The following MEF2A variants were observed in gnomAD, a reference collection of about 807,000 sequenced individuals.
MEF2A encodes the protein myocyte enhancer factor 2A.
MEF2A carries 28 observed loss-of-function variants against 55.8 expected under a neutral mutation model. The observed-to-expected ratio is 0.50, with a 90% CI of 0.37 to 0.69. MEF2A has a LOEUF of 0.69. Among genes scored for constraint, MEF2A ranks in the 30% least tolerant of loss-of-function variants. The pLI is 0.00. For synonymous variants in MEF2A, 239 were observed against 227.1 expected, an observed-to-expected ratio of 1.05 and a Z score of -0.47; for missense variants, 528 against 626.2, an observed-to-expected ratio of 0.84 and a Z score of 1.67.
intron 5 of MEF2A, among the ~76,000 whole-genome samples, chr15:99,673,859 T>TTAC (rs2051360945): frequency 3.9e-5 from 1 of 25,556 alleles, no homozygotes. Context: ...ATATAATTAC[T>TTAC]TTTTTTTTTT....
At chr15:99,650,678 T>C (rs1345705096) in intron 4 of MEF2A, among the ~76,000 whole-genome samples, 1 of 152,220 alleles carries the variant, frequency 6.6e-6, no homozygotes, top group Admixed American at 6.5e-5. Context: ...GAAAGGAAGA[T>C]AGGGAATCAG....
At chr15:99,660,009 C>T (rs2048361839) in intron 4 of MEF2A, among the ~76,000 whole-genome samples, 1 of 152,060 alleles carries the variant, frequency 6.6e-6, no homozygotes, top group Admixed American at 6.6e-5. Flanking sequence ...TTTCACAAAC[C>T]CTTCCAAAGA....
chr15:99,622,863 G>A (rs764250734), intron 2 of MEF2A, among the ~76,000 whole-genome samples: 7 of 151,810 alleles, frequency 4.6e-5, no homozygotes, highest in Admixed American at 2.0e-4. Flanking sequence ...CACCATGCCC[G>A]GCTAATTTTT....
chr15:99,652,666 A>G (rs1161974532), intron 4 of MEF2A, among the ~76,000 whole-genome samples: 1 of 152,222 alleles, frequency 6.6e-6, no homozygotes, highest in Admixed American at 6.5e-5. Context: ...AAGGCCCTTC[A>G]CTTTATCCTG....
At chr15:99,654,090 A>G (rs953274106) in intron 4 of MEF2A, among the ~76,000 whole-genome samples, 1 of 152,114 alleles carries the variant, frequency 6.6e-6, no homozygotes, top group East Asian at 1.9e-4. Context: ...GGTTTTCCAC[A>G]TTTATGTAGT....
intron 4 of MEF2A, among the ~76,000 whole-genome samples, chr15:99,670,976 C>G (rs562282465): frequency 1.3e-5 from 2 of 152,240 alleles, no homozygotes; most frequent in Non-Finnish European, 2.9e-5. Context: ...AGATTTCTAT[C>G]TTAGTTCTTT....
At chr15:99,572,222 G>C (rs2570824) in intron 1 of MEF2A, among the ~76,000 whole-genome samples, 12,159 of 151,970 alleles carry the variant, frequency 0.08, 1,668 homozygotes, top group African/African-American at 0.28. Context: ...AGCCACGAAG[G>C]CCTCTCAGTG....
chr15:99,635,680 A>G (rs558281712), intron 3 of MEF2A, among the ~76,000 whole-genome samples: 93 of 152,306 alleles, frequency 6.1e-4, no homozygotes, highest in Admixed American at 1.2e-3. Context: ...GTTTATATGA[A>G]CAGTGTGTCT....
chr15:99,584,894 C>T (rs570758415), intron 1 of MEF2A, among the ~76,000 whole-genome samples: 7 of 152,040 alleles, frequency 4.6e-5, no homozygotes, highest in African/African-American at 1.2e-4. Flanking sequence ...CAGAAAAGAA[C>T]GGAAGCTGTT....
Position 99,690,394 on chromosome 15 carries a change from T to TC in MEF2A, c.830dup (p.Ser278PhefsTer24). 1 of 1,605,664 alleles carries TC rather than the reference T, an allele frequency of 6.2e-7. No individual in the cohort carries two copies. Among genetic ancestry groups the TC allele is most frequent in the Non-Finnish European group, 8.5e-7 (1 of 1,174,510 alleles). ...AGGAAACCAGATCTTCGAGTTGTCA[T>TC]CCCCCCTTCAAGCAAGGGCATGATG... is the stretch of plus-strand genomic sequence containing the variant. On this transcript the variant is annotated frameshift_variant, in exon 8 of 12. Transcript: ENST00000557942. LOFTEE classifies it high-confidence loss of function.
intron 8 of MEF2A, among the ~76,000 whole-genome samples, chr15:99,691,352 TC>T (rs1241552396): frequency 6.6e-6 from 1 of 152,162 alleles, no homozygotes; most frequent in African/African-American, 2.4e-5. Context: ...CTTTCATTAA[TC>T]AATTAAACAT....
At chr15:99,672,322 T>G (rs972378779) in intron 5 of MEF2A, among the ~76,000 whole-genome samples, 1 of 152,242 alleles carries the variant, frequency 6.6e-6, no homozygotes, top group African/African-American at 2.4e-5. Flanking sequence ...TTAAACTGAT[T>G]GCAAAACAAA....
chr15:99,693,389 A>G (rs1462501203), intron 8 of MEF2A, among the ~76,000 whole-genome samples: 2 of 152,130 alleles, frequency 1.3e-5, no homozygotes, highest in African/African-American at 4.8e-5. Context: ...ACCAAGTAGG[A>G]TAATTACTAC....
chr15:99,585,128 T>C (rs1374978345), intron 1 of MEF2A, among the ~76,000 whole-genome samples: 5 of 152,218 alleles, frequency 3.3e-5, no homozygotes, highest in Non-Finnish European at 5.9e-5. Flanking sequence ...GGAATTGTGC[T>C]TTATTCTAGT....
chr15:99,583,203 G>A (rs1417042956), intron 1 of MEF2A, among the ~76,000 whole-genome samples: 1 of 151,990 alleles, frequency 6.6e-6, no homozygotes, highest in Non-Finnish European at 1.5e-5. Flanking sequence ...AGATTAGATT[G>A]GTAGTTGGTA....
intron 1 of MEF2A, among the ~76,000 whole-genome samples, chr15:99,585,052 A>G (rs1352960478): frequency 6.6e-6 from 1 of 152,164 alleles, no homozygotes; most frequent in African/African-American, 2.4e-5. Context: ...CTAAGAATGT[A>G]ATAAGTTGTG....
At chr15:99,571,198 C>A (rs1329963073) in intron 1 of MEF2A, among the ~76,000 whole-genome samples, 89 of 148,020 alleles carry the variant, frequency 6.0e-4, no homozygotes, top group Admixed American at 3.5e-3. Flanking sequence ...AAAAAAAAAA[C>A]AACAACAACA....
At chr15:99,645,805 G>C in intron 4 of MEF2A, 41 bp downstream of exon 4, 1 of 1,387,138 alleles carries the variant, frequency 7.2e-7, no homozygotes, top group Non-Finnish European at 9.9e-7. Flanking sequence ...AAGTAATACT[G>C]AAATATTTTG....
chr15:99,620,647 C>T (rs565635871), intron 2 of MEF2A, among the ~76,000 whole-genome samples: 3 of 152,012 alleles, frequency 2.0e-5, no homozygotes, highest in Non-Finnish European at 2.9e-5. Flanking sequence ...TATGATAAAA[C>T]GTACATGTGT....
Sources: gnomAD v4.1 joint callset for allele counts (sites outside exome capture counted in the v4.1 genomes callset) on GRCh38, gnomAD v4.1.1 for gene constraint, MANE v1.5 for transcripts, NCBI Gene and HGNC (gene_info 2026-07-23, HGNC 2026-07-21) for gene names.